The following CPNE4 variants were observed in gnomAD, a reference collection of about 807,000 sequenced individuals.
CPNE4 encodes the protein copine 4, also known as copine-4.
In CPNE4, 25 loss-of-function variants were observed where a neutral mutation model predicts 67.9. That is an observed-to-expected ratio of 0.37 (90% CI 0.27 to 0.51). The LOEUF (loss-of-function observed/expected upper bound fraction) is 0.51, where lower values mean the gene tolerates loss of function less well. Among genes scored for constraint, CPNE4 ranks in the 20% least tolerant of loss-of-function variants. CPNE4 has a pLI of 0.93. For synonymous variants in CPNE4, 242 were observed against 244.9 expected, an observed-to-expected ratio of 0.99 and a Z score of 0.11; for missense variants, 464 against 690.8, an observed-to-expected ratio of 0.67 and a Z score of 3.68.
chr3:132,021,329 C>T (rs981071165), intron 1 of CPNE4, among the ~76,000 whole-genome samples: 1 of 152,188 alleles, frequency 6.6e-6, no homozygotes, highest in African/African-American at 2.4e-5. Flanking sequence ...CAATGCATAG[C>T]AACAAAGTTC....
chr3:131,873,931 C>T (rs561224309), intron 2 of CPNE4, among the ~76,000 whole-genome samples: 2 of 152,282 alleles, frequency 1.3e-5, no homozygotes, highest in South Asian at 2.1e-4. Context: ...ATAACCTTCC[C>T]CTCCACCTCC....
chr3:131,821,929 A>G (rs766611144), intron 2 of CPNE4, among the ~76,000 whole-genome samples: 2 of 152,180 alleles, frequency 1.3e-5, no homozygotes, highest in Non-Finnish European at 2.9e-5. Context: ...ATAATTCTTC[A>G]AGGGACTCTC....
intron 2 of CPNE4, among the ~76,000 whole-genome samples, chr3:131,854,700 G>A (rs115975112): frequency 6.6e-6 from 1 of 151,654 alleles, no homozygotes; most frequent in Non-Finnish European, 1.5e-5. Flanking sequence ...TTTAGGCAGA[G>A]GGTGTGTGTC....
At chr3:132,035,152 C>T, upstream of CPNE4, 1 of 753,612 alleles carries the variant, frequency 1.3e-6, no homozygotes, top group Non-Finnish European at 1.6e-6. Flanking sequence ...GGCGGCGGCG[C>T]TCTCCGTGGT....
chr3:131,538,475 C>T (rs977148941), intron 15 of CPNE4, among the ~76,000 whole-genome samples: 2 of 152,150 alleles, frequency 1.3e-5, no homozygotes, highest in African/African-American at 4.8e-5. Flanking sequence ...CTGGTAATAA[C>T]AGTAATAAAA....
intron 7 of CPNE4, among the ~76,000 whole-genome samples, chr3:131,667,209 A>G (rs376899092): frequency 6.6e-6 from 1 of 152,234 alleles, no homozygotes; most frequent in South Asian, 2.1e-4. Context: ...TGCAAGAAAA[A>G]AAAATTAGAA....
chr3:131,893,256 C>T (rs552259362), intron 2 of CPNE4, among the ~76,000 whole-genome samples: 3 of 152,000 alleles, frequency 2.0e-5, no homozygotes, highest in African/African-American at 7.2e-5. Flanking sequence ...ATAAAGGAAT[C>T]AATTCAACAA....
At chr3:131,679,389 C>A (rs1055258208) in intron 6 of CPNE4, among the ~76,000 whole-genome samples, 5 of 151,890 alleles carry the variant, frequency 3.3e-5, no homozygotes, top group African/African-American at 9.7e-5. Flanking sequence ...CTCCTGGATT[C>A]ATCAATCTTT....
At chr3:131,698,865 G>A (rs1159810954) in intron 4 of CPNE4, among the ~76,000 whole-genome samples, 4 of 140,206 alleles carry the variant, frequency 2.9e-5, no homozygotes, top group Non-Finnish European at 4.5e-5. Flanking sequence ...TGCCGATATC[G>A]TGCCATTGCA....
chr3:131,551,553 A>G (rs578084686), intron 13 of CPNE4, among the ~76,000 whole-genome samples: 3 of 152,166 alleles, frequency 2.0e-5, no homozygotes, highest in African/African-American at 4.8e-5. Context: ...GAGGATGAAG[A>G]ATACATTAGT....
At chr3:131,591,385 G>C (rs1489983726) in intron 7 of CPNE4, among the ~76,000 whole-genome samples, 2 of 152,106 alleles carry the variant, frequency 1.3e-5, no homozygotes, top group African/African-American at 2.4e-5. Flanking sequence ...GAAAGAGCAG[G>C]AGTTCCCTTC....
intron 2 of CPNE4, among the ~76,000 whole-genome samples, chr3:131,814,883 C>T (rs1376562018): frequency 7.3e-6 from 1 of 136,328 alleles, no homozygotes; most frequent in Non-Finnish European, 1.5e-5. Context: ...GGATTACAGG[C>T]GTGAGCCACC....
intron 2 of CPNE4, among the ~76,000 whole-genome samples, chr3:131,844,210 G>A (rs535080458): frequency 1.3e-5 from 2 of 151,478 alleles, no homozygotes; most frequent in Non-Finnish European, 2.9e-5. Context: ...TAGTTCCTCA[G>A]ACAGGTAAAA....
intron 2 of CPNE4, among the ~76,000 whole-genome samples, chr3:131,855,691 G>A (rs909407981): frequency 2.6e-5 from 4 of 151,628 alleles, no homozygotes; most frequent in African/African-American, 9.7e-5. Flanking sequence ...TCTCCTAACC[G>A]TGCCTTGTGA....
At chr3:131,754,755 A>G (rs1236404576) in intron 2 of CPNE4, among the ~76,000 whole-genome samples, 1 of 152,204 alleles carries the variant, frequency 6.6e-6, no homozygotes, top group African/African-American at 2.4e-5. Context: ...TCATGGCTCC[A>G]AACTGGGTAA....
chr3:131,904,557 T>A (rs916543993), intron 2 of CPNE4, among the ~76,000 whole-genome samples: 1 of 152,128 alleles, frequency 6.6e-6, no homozygotes, highest in Non-Finnish European at 1.5e-5. Context: ...ACAGTCACCC[T>A]GTTTTGGGCT....
chr3:131,689,518 C>T (rs1211348815), intron 5 of CPNE4, among the ~76,000 whole-genome samples: 1 of 152,096 alleles, frequency 6.6e-6, no homozygotes. Context: ...ATGATAAAAA[C>T]CCTCAACAAA....
chr3:131,606,109 T>C (rs1939488031), intron 7 of CPNE4, among the ~76,000 whole-genome samples: 1 of 152,164 alleles, frequency 6.6e-6, no homozygotes, highest in South Asian at 2.1e-4. Context: ...GAAAAGGCGC[T>C]TGAAGACCAG....
chr3:132,001,553 G>GAAGAGAAAGAAGAGAA (rs1467276159), intron 1 of CPNE4, among the ~76,000 whole-genome samples: 2 of 101,790 alleles, frequency 2.0e-5, no homozygotes, highest in African/African-American at 7.5e-5. Context: ...AAAGAAAAAA[G>GAAGAGAAAGAAGAGAA]AGAAAGAAAG....
Sources: gnomAD v4.1 joint callset for allele counts (sites outside exome capture counted in the v4.1 genomes callset) on GRCh38, gnomAD v4.1.1 for gene constraint, MANE v1.5 for transcripts, NCBI Gene and HGNC (gene_info 2026-07-23, HGNC 2026-07-21) for gene names.